DMD: variants seen among roughly 807,000 people sequenced by gnomAD.
DMD encodes dystrophin.
In DMD, 63 loss-of-function variants were observed where a neutral mutation model predicts 330.1. That is an observed-to-expected ratio of 0.19 (90% CI 0.16 to 0.24). The LOEUF (loss-of-function observed/expected upper bound fraction) is 0.24, where lower values mean the gene tolerates loss of function less well. DMD is among the 10% of genes least tolerant of loss of function. The probability of loss-of-function intolerance (pLI) is 1.00; values close to 1 mark genes in which losing one functional copy is unlikely to be tolerated. For synonymous variants in DMD, 1,223 were observed against 959.8 expected (o/e 1.27, Z -5.07); for missense variants, 3,344 against 2,684.1 (o/e 1.25, Z -5.43).
At chrX:31,441,583 G>A (rs1286706034) in intron 60 of DMD, among the ~76,000 whole-genome samples, 1 of 111,480 alleles carries the variant, frequency 9.0e-6, no homozygotes, top group Non-Finnish European at 1.9e-5. Flanking sequence ...TTTAAAGATT[G>A]ACATAGCATT....
intron 44 of DMD, among the ~76,000 whole-genome samples, chrX:32,130,956 G>A (rs1443257775): frequency 8.9e-6 from 1 of 111,846 alleles, no homozygotes; most frequent in East Asian, 2.8e-4. Flanking sequence ...AGGCCGTGGA[G>A]GGCAGATCAC....
In DMD at chrX:31,913,155, T is replaced by C. The variant is rs144716108; in HGVS notation, c.6912+16441A>G. On this transcript the variant is annotated intron_variant, in intron 47 of 78. Coordinates refer to ENST00000357033, the MANE Select transcript of DMD (RefSeq NM_004006.3). ...CTTGGTTGATATCAGGTGAAGCAGATGAATATCATAGTCAACTCTCAGAAT... is the reference window on the plus strand; with the variant it reads ...CTTGGTTGATATCAGGTGAAGCAGACGAATATCATAGTCAACTCTCAGAAT... 4.5e-4 allele frequency among the ~76,000 whole-genome samples: 51 copies of C among 112,465 alleles called. 1 individual carries two copies. The highest frequency in any genetic ancestry group is 7.7e-4 in the Non-Finnish European group (41 of 53,303).
At chrX:33,010,043 CATGTGTATATATACGT>C (rs2093644966) in intron 2 of DMD, among the ~76,000 whole-genome samples, 1 of 61,082 alleles carries the variant, frequency 1.6e-5, no homozygotes, top group Admixed American at 1.6e-4. Context: ...TGTATATACA[CATGTGTATATATACGT>C]GTATATATAC....
intron 16 of DMD, among the ~76,000 whole-genome samples, chrX:32,546,215 C>T (rs1397081350): frequency 2.9e-5 from 3 of 104,354 alleles, no homozygotes; most frequent in Non-Finnish European, 3.9e-5. Context: ...TCATATTCTC[C>T]GTCTCACAGA....
chrX:32,602,784 C>T (rs1271871300), intron 12 of DMD, among the ~76,000 whole-genome samples: 1 of 111,148 alleles, frequency 9.0e-6, no homozygotes, highest in Non-Finnish European at 1.9e-5. Flanking sequence ...AATCCAAATG[C>T]CACAACATCT....
chrX:32,063,399 T>TAATG (rs2096241315), intron 44 of DMD, among the ~76,000 whole-genome samples: 1 of 111,303 alleles, frequency 9.0e-6, no homozygotes, highest in African/African-American at 3.3e-5. Context: ...AGTTGAAGTC[T>TAATG]TTCTATAATG....
chrX:32,893,967 C>T (rs1007887819), intron 2 of DMD, among the ~76,000 whole-genome samples: 17 of 110,715 alleles, frequency 1.5e-4, no homozygotes, highest in Admixed American at 7.7e-4. Flanking sequence ...TGGCCGGTGC[C>T]ATTCCAGTGT....
chrX:33,020,786 T>G (rs772176750), intron 1 of DMD, among the ~76,000 whole-genome samples: 1 of 111,956 alleles, frequency 8.9e-6, no homozygotes, highest in Non-Finnish European at 1.9e-5. Context: ...TCGCCAGTTA[T>G]GAATAGATAC....
chrX:32,647,296 T>C (rs1283789288), intron 9 of DMD, among the ~76,000 whole-genome samples: 2 of 111,960 alleles, frequency 1.8e-5, no homozygotes, highest in Admixed American at 9.5e-5. Context: ...TATTTGCATA[T>C]AGCATTTTCA....
chrX:32,610,321 C>A (rs1327753067), intron 12 of DMD, among the ~76,000 whole-genome samples: 1 of 111,068 alleles, frequency 9.0e-6, no homozygotes, highest in Non-Finnish European at 1.9e-5. Context: ...TTGAACTTTT[C>A]TTGGTTACCC....
At chrX:32,971,591 C>T (rs913772864) in intron 2 of DMD, among the ~76,000 whole-genome samples, 6 of 111,489 alleles carry the variant, frequency 5.4e-5, no homozygotes, top group Non-Finnish European at 9.4e-5. Context: ...ATGCCACATT[C>T]CTCATGAAAC....
At chrX:31,474,768 A>G (rs1214552264) in intron 59 of DMD, among the ~76,000 whole-genome samples, 1 of 109,350 alleles carries the variant, frequency 9.1e-6, no homozygotes, top group African/African-American at 3.3e-5. Context: ...AAGAGAAACC[A>G]TGGTTTATTA....
intron 11 of DMD, among the ~76,000 whole-genome samples, chrX:32,623,953 A>G (rs985882741): frequency 8.9e-6 from 1 of 112,226 alleles, no homozygotes; most frequent in African/African-American, 3.2e-5. Flanking sequence ...TTTCATGGGC[A>G]AAATATTGTA....
chrX:32,775,070 C>T (rs1353793972), intron 7 of DMD, among the ~76,000 whole-genome samples: 2 of 112,384 alleles, frequency 1.8e-5, no homozygotes, highest in Non-Finnish European at 1.9e-5. Flanking sequence ...GTTTGAAATG[C>T]AGCCAGGCAA....
At chrX:31,996,981 T>C (rs1321038168) in intron 44 of DMD, among the ~76,000 whole-genome samples, 1 of 111,547 alleles carries the variant, frequency 9.0e-6, no homozygotes, top group Non-Finnish European at 1.9e-5. Context: ...GTAAACTGTA[T>C]ATCTTCCATT....
At chrX:31,513,832 G>A (rs1191131752) in intron 55 of DMD, among the ~76,000 whole-genome samples, 1 of 111,267 alleles carries the variant, frequency 9.0e-6, no homozygotes, top group Non-Finnish European at 1.9e-5. Context: ...CAACCCTCTA[G>A]GGTAGGGGCT....
chrX:33,010,284 ATG>A (rs1249886123), intron 2 of DMD, among the ~76,000 whole-genome samples: 1 of 108,618 alleles, frequency 9.2e-6, no homozygotes, highest in South Asian at 3.8e-4. Context: ...ATGTACATAT[ATG>A]TGTGTAAATA....
At chrX:33,164,325 G>A (rs1311005952) in intron 1 of DMD, among the ~76,000 whole-genome samples, 1 of 112,017 alleles carries the variant, frequency 8.9e-6, no homozygotes, top group Non-Finnish European at 1.9e-5. Context: ...TGAGCTTTAA[G>A]CTATCATTGG....
chrX:31,718,066 T>C, intron 52 of DMD, among the ~76,000 whole-genome samples: 1 of 112,157 alleles, frequency 8.9e-6, no homozygotes, highest in African/African-American at 3.2e-5. Flanking sequence ...GAGATGGTAA[T>C]AAGCCAAACC....
Sources: gnomAD v4.1 joint callset for allele counts (sites outside exome capture counted in the v4.1 genomes callset) on GRCh38, gnomAD v4.1.1 for gene constraint, MANE v1.5 for transcripts, NCBI Gene and HGNC (gene_info 2026-07-23, HGNC 2026-07-21) for gene names.